The following PCAT7 variants were observed in gnomAD, a reference collection of about 807,000 sequenced individuals.
The protein encoded by PCAT7 is prostate cancer associated transcript 7 (non-protein coding).
intron 2 of PCAT7, chr9:94,567,784 A>G (rs999572891): frequency 5.3e-6 from 1 of 189,732 alleles, no homozygotes; most frequent in Admixed American, 5.4e-5. Flanking sequence ...GGCCATCAAC[A>G]GTGAGAGGAA....
intron 1 of PCAT7, among the ~76,000 whole-genome samples, chr9:94,555,619 G>A (rs765339594): frequency 2.0e-5 from 3 of 150,932 alleles, no homozygotes; most frequent in Admixed American, 6.6e-5. Context: ...GGGAGAGAAG[G>A]TTTTGTGAAA....
At chr9:94,557,566 T>C (rs917744495) in intron 1 of PCAT7, among the ~76,000 whole-genome samples, 3 of 152,226 alleles carry the variant, frequency 2.0e-5, no homozygotes, top group Non-Finnish European at 4.4e-5. Flanking sequence ...CAAGTTGAAA[T>C]GTGTCTGTGG....
chr9:94,559,091 A>G, exon 2 of PCAT7: 1 of 1,613,956 alleles, frequency 6.2e-7, no homozygotes. Flanking sequence ...CTGCCTGCTC[A>G]ATGATGTAGG....
intron 1 of PCAT7, among the ~76,000 whole-genome samples, chr9:94,556,964 G>A (rs566686727): frequency 3.3e-5 from 5 of 152,272 alleles, no homozygotes; most frequent in Admixed American, 2.6e-4. Flanking sequence ...TGTTCTTGGG[G>A]CCTTTGTTAA....
chr9:94,571,591 A>G, intron 2 of PCAT7: 1 of 1,613,128 alleles, frequency 6.2e-7, no homozygotes, highest in South Asian at 1.1e-5. Context: ...CAGAAGGCTC[A>G]TCCTCTGAGG....
chr9:94,561,350 G>GTTTTTTTT (rs1463916724), intron 2 of PCAT7, among the ~76,000 whole-genome samples: 3 of 59,792 alleles, frequency 5.0e-5, no homozygotes, highest in Admixed American at 4.7e-4. Context: ...CATGTGACCT[G>GTTTTTTTT]TATTTTTTTT....
At chr9:94,562,922 G>A (rs1005934327) in intron 2 of PCAT7, among the ~76,000 whole-genome samples, 6 of 152,228 alleles carry the variant, frequency 3.9e-5, no homozygotes, top group African/African-American at 1.4e-4. Context: ...CCCTCAACGT[G>A]TAATTTGTAT....
chr9:94,554,716 T>C (rs1488001987), upstream of PCAT7, among the ~76,000 whole-genome samples: 1 of 152,166 alleles, frequency 6.6e-6, no homozygotes, highest in Non-Finnish European at 1.5e-5. Context: ...GGAGAAGCTC[T>C]CGCTGCTAGC....
intron 1 of PCAT7, among the ~76,000 whole-genome samples, chr9:94,555,592 A>G (rs493357): frequency 0.25 from 35,800 of 144,646 alleles, 5,717 homozygotes; most frequent in East Asian, 0.53. Context: ...TGAGGGGGGG[A>G]AAATGGGCGA....
intron 2 of PCAT7, among the ~76,000 whole-genome samples, chr9:94,564,983 A>G (rs375083871): frequency 3.5e-4 from 54 of 152,352 alleles, no homozygotes; most frequent in African/African-American, 1.2e-3. Flanking sequence ...GAGATGATGG[A>G]TTTCCTAATT....
intron 2 of PCAT7, chr9:94,563,554 G>A (rs1827141434): frequency 7.1e-7 from 1 of 1,412,998 alleles, no homozygotes; most frequent in South Asian, 1.3e-5. Flanking sequence ...TGTGACCTCT[G>A]CCTTCTTGAA....
chr9:94,563,282 G>A lies in PCAT7; in HGVS notation n.441+4130G>A, dbSNP rs117196517. 290 of 1,583,692 alleles carry A rather than the reference G, an allele frequency of 1.8e-4. No homozygotes were observed. In the East Asian group the frequency reaches 3.4e-3, roughly 18 times the overall value. On this transcript the variant is annotated intron_variant and non_coding_transcript_variant, in intron 2 of 8. Transcript: ENST00000647389. ...GCAGTAGCCAAACAGCAGGTGTGACGGGAGGGAGCTCCCCCACCTCCCTGA... is the reference window on the plus strand; with the variant it reads ...GCAGTAGCCAAACAGCAGGTGTGACAGGAGGGAGCTCCCCCACCTCCCTGA...
intron 2 of PCAT7, among the ~76,000 whole-genome samples, chr9:94,561,170 A>G (rs1827093357): frequency 6.6e-6 from 1 of 152,096 alleles, no homozygotes; most frequent in South Asian, 2.1e-4. Flanking sequence ...ATTGTAATCA[A>G]TTATCCTGTT....
At chr9:94,566,330 G>T (rs1304403765) in intron 2 of PCAT7, among the ~76,000 whole-genome samples, 2 of 152,244 alleles carry the variant, frequency 1.3e-5, no homozygotes, top group African/African-American at 2.4e-5. Context: ...TGAGGGCAAG[G>T]AACACCTGGC....
At chr9:94,554,943 T>G (rs1220664224), upstream of PCAT7, 3 of 152,242 alleles carry the variant, frequency 2.0e-5, no homozygotes, top group Non-Finnish European at 4.4e-5. Context: ...GACCCTGGAC[T>G]ACATGTTCTG....
intron 2 of PCAT7, among the ~76,000 whole-genome samples, chr9:94,566,294 G>A (rs1158461937): frequency 2.0e-5 from 3 of 152,226 alleles, no homozygotes; most frequent in East Asian, 1.9e-4. Context: ...TAATGCCCAC[G>A]CTGGAAGGTT....
At chr9:94,561,574 C>T (rs1827104100) in intron 2 of PCAT7, among the ~76,000 whole-genome samples, 1 of 151,954 alleles carries the variant, frequency 6.6e-6, no homozygotes, top group African/African-American at 2.4e-5. Flanking sequence ...ACTGTGTTAG[C>T]CAGGATGGTC....
intron 2 of PCAT7, chr9:94,563,582 C>T: frequency 9.6e-7 from 1 of 1,046,126 alleles, no homozygotes; most frequent in Non-Finnish European, 1.4e-6. Context: ...CCTCCACCCA[C>T]TAGTGTAGGA....
At position 94,574,303 on chromosome 9, in the gene PCAT7, T is replaced by C. The variant is rs1000661324; in HGVS notation, n.512+1254T>C. On this transcript the variant is annotated intron_variant and non_coding_transcript_variant, in intron 3 of 8. Coordinates refer to ENST00000647389, the Ensembl canonical transcript of PCAT7. ...TTACCACTAATAATAAGAGAGTTCA[T>C]TTTAATTCAGCCTGGTAAACACAAG... Among the ~76,000 whole-genome samples, 4 of 152,186 alleles carry C rather than the reference T, an allele frequency of 2.6e-5. No individual in the cohort carries two copies. The East Asian group carries it at 7.7e-4, about 29-fold the overall frequency.
Sources: allele counts gnomAD v4.1 joint callset (sites outside exome capture counted in the v4.1 genomes callset), GRCh38; gene constraint gnomAD v4.1.1; transcripts MANE v1.5; gene names NCBI Gene and HGNC (gene_info 2026-07-23, HGNC 2026-07-21).